FAF2: variants seen among roughly 807,000 people sequenced by gnomAD.
FAF2 encodes the protein FAS-associated factor 2.
FAF2 carries 9 observed loss-of-function variants against 62.3 expected under a neutral mutation model. The observed-to-expected ratio is 0.14, with a 90% CI of 0.09 to 0.25. The LOEUF (loss-of-function observed/expected upper bound fraction) is 0.25, where lower values mean the gene tolerates loss of function less well. Ranked by LOEUF, FAF2 falls within the 10% of genes least tolerant of loss-of-function variation. The pLI is 1.00. For synonymous variants in FAF2, 202 were observed against 198.0 expected (o/e 1.02, Z -0.17); for missense variants, 368 against 556.2 (o/e 0.66, Z 3.40).
At chr5:176,460,555 T>TGTGTGTG (rs1491182423) in intron 1 of FAF2, among the ~76,000 whole-genome samples, 1 of 148,824 alleles carries the variant, frequency 6.7e-6, no homozygotes, top group Non-Finnish European at 1.5e-5. Flanking sequence ...TGTGTGTGTA[T>TGTGTGTG]TTTTTTTTTC....
Position 176,494,182 on chromosome 5 carries a change from A to C in FAF2, c.570-2A>C. The C allele has an allele frequency of 6.2e-7, 1 of 1,614,026 alleles. No individual in the cohort carries two copies. The highest frequency in any genetic ancestry group is 8.5e-7 in the Non-Finnish European group (1 of 1,179,890). ...TCATATCCTTTTCATACCTTTCCAC[A>C]GCAACACACTCTGTGCACCTGAAGT... On this transcript the variant is annotated splice_acceptor_variant, in intron 6 of 10. Coordinates refer to ENST00000261942, the MANE Select transcript of FAF2 (RefSeq NM_014613.3). LOFTEE classifies it high-confidence loss of function. The surrounding 1 kb of genome is among the most constrained non-coding windows in gnomAD (Gnocchi z 4.0).
At chr5:176,476,959 A>G (rs894406570) in intron 1 of FAF2, among the ~76,000 whole-genome samples, 4 of 150,994 alleles carry the variant, frequency 2.6e-5, no homozygotes, top group East Asian at 1.9e-4. Context: ...ACAGGCGCCC[A>G]CCACCATGCC....
chr5:176,462,852 T>C (rs1758402430), intron 1 of FAF2, among the ~76,000 whole-genome samples: 2 of 152,116 alleles, frequency 1.3e-5, no homozygotes, highest in Admixed American at 6.6e-5. Flanking sequence ...GGGTGAGGGA[T>C]GGGCAGGGAA....
At chr5:176,486,607 T>C in intron 3 of FAF2, 118 bp downstream of exon 3, 1 of 1,048,790 alleles carries the variant, frequency 9.5e-7, no homozygotes. Context: ...ACCTGTTAGT[T>C]AGACTTGGCC....
intron 3 of FAF2, among the ~76,000 whole-genome samples, chr5:176,488,197 C>T (rs1039327131): frequency 4.6e-5 from 7 of 152,104 alleles, no homozygotes; most frequent in Admixed American, 1.3e-4. Flanking sequence ...AGGCTGGTCT[C>T]GAACTCCTGA....
At chr5:176,485,653 A>G (rs1384006520) in intron 2 of FAF2, among the ~76,000 whole-genome samples, 2 of 152,214 alleles carry the variant, frequency 1.3e-5, no homozygotes, top group Admixed American at 6.5e-5. Flanking sequence ...CCAACTCATT[A>G]AATTTTCAGA....
chr5:176,496,146 G>A (rs1755470605), intron 7 of FAF2, among the ~76,000 whole-genome samples: 1 of 152,042 alleles, frequency 6.6e-6, no homozygotes, highest in Admixed American at 6.6e-5. Context: ...AAGCACCTAG[G>A]GATAGGCATG....
rs745836730 is a variant in FAF2 at position 176,486,388 on chromosome 5, G to A, written c.166G>A (p.Gly56Ser). 1.9e-6 allele frequency: 3 copies of A among 1,614,114 alleles called. No homozygotes were observed. The highest frequency in any genetic ancestry group is 2.5e-6 in the Non-Finnish European group (3 of 1,180,014). Residue 56 changes from glycine to serine, a missense_variant, in exon 3 of 11, where the codon GGC becomes AGC. Transcript: ENST00000261942. ...AVQDRLNEQE[G>S]VPSVFNPPPS... Reference sequence around the variant, plus strand: ...ACAGGACAGATTGAATGAGCAAGAGGGCGTACCTAGTGTTTTCAACCCACC... The same window carrying A: ...ACAGGACAGATTGAATGAGCAAGAGAGCGTACCTAGTGTTTTCAACCCACC...
chr5:176,489,158 CTG>C (rs1014634509), intron 4 of FAF2, 131 bp downstream of exon 4: 1 of 608,490 alleles, frequency 1.6e-6, no homozygotes, highest in African/African-American at 1.9e-5. Flanking sequence ...ACTTCCCGAA[CTG>C]TCTTTTAATA....
At chr5:176,450,642 C>G (rs537893283) in intron 1 of FAF2, among the ~76,000 whole-genome samples, 1 of 152,080 alleles carries the variant, frequency 6.6e-6, no homozygotes, top group South Asian at 2.1e-4. Flanking sequence ...CAACCTCCGC[C>G]TTCCAGTTTC....
intron 4 of FAF2, 137 bp from the exon 5 acceptor site, chr5:176,492,057 G>A (rs192711913): frequency 2.6e-5 from 24 of 907,334 alleles, no homozygotes; most frequent in Admixed American, 2.3e-4. Context: ...TCTCGGATTT[G>A]ATGGTCCACT....
chr5:176,449,582 A>G (rs958865289), intron 1 of FAF2, among the ~76,000 whole-genome samples: 3 of 152,224 alleles, frequency 2.0e-5, no homozygotes, highest in African/African-American at 7.2e-5. Context: ...TCTCAAAAAA[A>G]AAAAAATCTA....
intron 1 of FAF2, among the ~76,000 whole-genome samples, chr5:176,475,195 C>T (rs775868510): frequency 1.5e-4 from 23 of 152,192 alleles, no homozygotes; most frequent in Non-Finnish European, 2.9e-4. Flanking sequence ...AGTGCAGTGG[C>T]GCAGTTTACT....
chr5:176,488,855 G>A (rs547179759), intron 3 of FAF2, 96 bp from the exon 4 acceptor site: 9 of 950,076 alleles, frequency 9.5e-6, no homozygotes, highest in Middle Eastern at 2.1e-4. Flanking sequence ...CAAATCACAT[G>A]GAAGGACCAA....
chr5:176,473,574 G>GA (rs200409918), intron 1 of FAF2, among the ~76,000 whole-genome samples: 3,011 of 152,294 alleles, frequency 0.02, 41 homozygotes, highest in Non-Finnish European at 0.031. Context: ...GGGAAGGAAT[G>GA]AAAAGTTATG....
At chr5:176,456,944 C>G (rs1758286163) in intron 1 of FAF2, among the ~76,000 whole-genome samples, 1 of 152,084 alleles carries the variant, frequency 6.6e-6, no homozygotes, top group South Asian at 2.1e-4. Context: ...GCTGGCCTCC[C>G]TTTTTTGGGG....
chr5:176,478,506 G>T (rs529667661), intron 1 of FAF2, among the ~76,000 whole-genome samples: 1 of 152,060 alleles, frequency 6.6e-6, no homozygotes, highest in South Asian at 2.1e-4. Context: ...GGGTAGGGGG[G>T]TCGGTATGTT....
intron 10 of FAF2, among the ~76,000 whole-genome samples, chr5:176,500,511 G>A (rs1481416747): frequency 1.3e-5 from 2 of 152,190 alleles, no homozygotes; most frequent in Non-Finnish European, 2.9e-5. Flanking sequence ...CAGAACCCCT[G>A]CTCTGTAGGA....
chr5:176,479,830 G>C (rs1307507623), intron 2 of FAF2, among the ~76,000 whole-genome samples: 1 of 152,026 alleles, frequency 6.6e-6, no homozygotes, highest in East Asian at 1.9e-4. Flanking sequence ...CTGAGTAGCT[G>C]GGATTACAGG....
Sources: allele counts gnomAD v4.1 joint callset (sites outside exome capture counted in the v4.1 genomes callset), GRCh38; gene constraint gnomAD v4.1.1; non-coding constraint Gnocchi (gnomAD v3.1); transcripts MANE v1.5; gene names NCBI Gene and HGNC (gene_info 2026-07-23, HGNC 2026-07-21).